Variants in WBP1L observed in about 807,000 individuals in gnomAD.
WBP1L encodes the protein WW domain binding protein 1-like.
A neutral mutation model predicts 33.7 loss-of-function variants in WBP1L; 17 were observed. The observed-to-expected ratio is 0.50, with a 90% confidence interval of 0.34 to 0.76. The LOEUF is 0.76. WBP1L is among the 30% of genes least tolerant of loss of function. WBP1L has a pLI of 0.01. For missense variants in WBP1L, 389 were observed against 469.4 expected (o/e 0.83, Z 1.58); for synonymous variants, 173 against 190.8 (o/e 0.91, Z 0.77).
intron 1 of WBP1L, among the ~76,000 whole-genome samples, chr10:102,784,897 G>C (rs1843393345): frequency 6.7e-6 from 1 of 148,214 alleles, no homozygotes; most frequent in Non-Finnish European, 1.5e-5. Flanking sequence ...TTAGGGCGGG[G>C]ACAGAGTCTT....
chr10:102,785,266 C>T (rs1843399206), intron 1 of WBP1L, among the ~76,000 whole-genome samples: 1 of 149,246 alleles, frequency 6.7e-6, no homozygotes, highest in Non-Finnish European at 1.5e-5. Context: ...CGGCTCACTG[C>T]AAGCTCCACC....
At position 102,815,224 on chromosome 10, in the gene WBP1L, C is replaced by G; in HGVS notation, c.*1893C>G. ...CCGCAGCATTGTCGACTGCAGTCCC[C>G]TGTGTTTGCCAGAGATACTGTGCTC... On this transcript the variant is annotated 3_prime_UTR_variant, in exon 4 of 4. Coordinates refer to ENST00000448841, the MANE Select transcript of WBP1L (RefSeq NM_001083913.2). 1 of 152,674 alleles carries G rather than the reference C, an allele frequency of 6.5e-6. No homozygotes were observed. Among genetic ancestry groups the G allele is most frequent in the East Asian group, 1.9e-4 (1 of 5,202 alleles). The allele number at this position is 152,674 out of a possible 1,614,324, so 9.5% of individuals were successfully genotyped here.
At chr10:102,765,380 G>A (rs1843093916) in intron 1 of WBP1L, among the ~76,000 whole-genome samples, 1 of 152,142 alleles carries the variant, frequency 6.6e-6, no homozygotes, top group Non-Finnish European at 1.5e-5. Context: ...CTACAGTCAT[G>A]TGCCATCACG....
chr10:102,785,055 G>A (rs1204684968), intron 1 of WBP1L, among the ~76,000 whole-genome samples: 1 of 150,914 alleles, frequency 6.6e-6, no homozygotes, highest in East Asian at 2.0e-4. Context: ...TTTGTATTTT[G>A]TAGAGACAGG....
At chr10:102,804,829 C>T (rs1843708647) in intron 2 of WBP1L, among the ~76,000 whole-genome samples, 2 of 152,190 alleles carry the variant, frequency 1.3e-5, no homozygotes, top group Non-Finnish European at 2.9e-5. Flanking sequence ...ATTAGTTAGA[C>T]TTAGTCCCAA....
intron 2 of WBP1L, among the ~76,000 whole-genome samples, chr10:102,802,448 G>T (rs1843671662): frequency 6.8e-6 from 1 of 148,002 alleles, no homozygotes; most frequent in African/African-American, 2.5e-5. Context: ...GGAGTTGATT[G>T]AATTTCCAGT....
At chr10:102,812,552 A>C in intron 3 of WBP1L, 43 bp from the exon 4 acceptor site, 1 of 1,532,478 alleles carries the variant, frequency 6.5e-7, no homozygotes, top group Non-Finnish European at 8.8e-7. Flanking sequence ...GCCTAGAACA[A>C]TGACCAGTGC....
At position 102,813,390 on chromosome 10, in the gene WBP1L, G is replaced by A. The variant is rs1004404066; in HGVS notation, c.*59G>A. Reference sequence around the variant, plus strand: ...AGCAACCAGGGTAGGGGAGAACCACGAGAGAAGCATTAAGTGACTTTCAAA... The same window carrying A: ...AGCAACCAGGGTAGGGGAGAACCACAAGAGAAGCATTAAGTGACTTTCAAA... On this transcript the variant is annotated 3_prime_UTR_variant, in exon 4 of 4. Coordinates refer to ENST00000448841, the MANE Select transcript of WBP1L (RefSeq NM_001083913.2). 27 of 1,528,902 alleles carry A rather than the reference G, an allele frequency of 1.8e-5. No individual in the cohort carries two copies. In the African/African-American group the frequency reaches 2.2e-4, roughly 13 times the overall value. The allele number at this position is 1,528,902 out of a possible 1,614,324, so 94.7% of individuals were successfully genotyped here. A position where few individuals can be genotyped will look rare whatever the true frequency, so the allele number is the denominator to read the frequency against.
At chr10:102,763,044 A>T (rs1195707411) in intron 1 of WBP1L, among the ~76,000 whole-genome samples, 1 of 152,026 alleles carries the variant, frequency 6.6e-6, no homozygotes, top group African/African-American at 2.4e-5. Context: ...GTCTCTACAA[A>T]AATACAAAAA....
chr10:102,801,172 T>C lies in WBP1L; in HGVS notation c.193+3077T>C, dbSNP rs180978769. ...CATAACCCAAACCAGTTATTGGGCC[T>C]GCATGTGTTGAGAACGGCAGATCCT... On this transcript the variant is annotated intron_variant, in intron 2 of 3. Transcript: ENST00000448841. Among the ~76,000 whole-genome samples the C allele has an allele frequency of 7.0e-4, 107 of 152,336 alleles. 1 individual carries two copies. The highest frequency in any genetic ancestry group is 1.2e-3 in the Non-Finnish European group (83 of 68,028).
chr10:102,812,887 G>C lies in WBP1L; in HGVS notation c.648G>C (p.Glu216Asp). The C allele has an allele frequency of 6.3e-7, 1 of 1,576,372 alleles. No homozygotes were observed. Among genetic ancestry groups the C allele is most frequent in the Non-Finnish European group, 8.6e-7 (1 of 1,159,050 alleles). ...DRAATKAPGM[E>D]PSGSVAGLGE... The stretch of plus-strand genomic sequence containing the variant: ...CAGCCACCAAAGCCCCAGGGATGGA[G>C]CCCAGTGGCTCTGTGGCTGGCCTGG... Residue 216 changes from glutamate to aspartate, a missense_variant, in exon 4 of 4, where the codon GAG becomes GAC. By Grantham distance (45) the Glu-to-Asp change is conservative. Transcript: ENST00000448841.
rs202146271 is a variant in WBP1L at position 102,743,997 on chromosome 10, G to GGGA, written c.-45_-43dup. On this transcript the variant is annotated 5_prime_UTR_variant, in exon 1 of 4. Transcript: ENST00000448841. ...AGGAAGAAGAGGGTAGAGGAGGAGA[G>GGGA]GGAGGAGGAGGAGGGAGGTGGCGGC... 1,356 of 1,259,892 alleles carry GGGA rather than the reference G, an allele frequency of 1.1e-3. 19 individuals are homozygous for GGGA. The African/African-American group carries it at 0.017, about 16-fold the overall frequency. 78.0% of individuals were successfully genotyped at this position (1,259,892 alleles called of 1,614,324 possible). A position where few individuals can be genotyped will look rare whatever the true frequency, so the allele number is the denominator to read the frequency against.
chr10:102,761,302 GC>G (rs1273874640), intron 1 of WBP1L, among the ~76,000 whole-genome samples: 5 of 151,492 alleles, frequency 3.3e-5, no homozygotes, highest in African/African-American at 1.2e-4. Flanking sequence ...ACCATGCCTG[GC>G]TAATTTTTGT....
At chr10:102,783,837 CCA>C (rs1843371295) in intron 1 of WBP1L, among the ~76,000 whole-genome samples, 1 of 152,154 alleles carries the variant, frequency 6.6e-6, no homozygotes, top group African/African-American at 2.4e-5. Flanking sequence ...GGGGTAGAAA[CCA>C]CAGACTCATA....
chr10:102,784,734 A>T (rs929171825), intron 1 of WBP1L, among the ~76,000 whole-genome samples: 6 of 146,732 alleles, frequency 4.1e-5, no homozygotes, highest in Admixed American at 1.4e-4. Context: ...GAATTTTTTA[A>T]ATTTTTAATA....
chr10:102,811,122 G>GTTTCAC, intron 3 of WBP1L, among the ~76,000 whole-genome samples: 1 of 152,214 alleles, frequency 6.6e-6, no homozygotes, highest in East Asian at 1.9e-4. Context: ...TGAAACAATT[G>GTTTCAC]TGGGCCGGGC....
chr10:102,798,083 T>C lies in WBP1L; in HGVS notation c.181T>C (p.Tyr61His), dbSNP rs945419229. ...CGQSQCCNYY[Y>H]ELWWFWLVWT... Reference sequence around the variant, plus strand: ...ACAGTCTCAGTGCTGCAACTACTACTATGAACTCTGGTGTAAGTCCTTGCT... The same window carrying C: ...ACAGTCTCAGTGCTGCAACTACTACCATGAACTCTGGTGTAAGTCCTTGCT... The change falls in exon 2 of 4, where the codon TAT (tyrosine) becomes CAT (histidine). Residue 61 changes from tyrosine (Y) to histidine (H), a missense_variant. Physicochemically the swap from Tyr to His is moderately conservative, Grantham distance 83. Transcript: ENST00000448841. 1.2e-6 allele frequency: 2 copies of C among 1,614,124 alleles called. No individual in the cohort carries two copies. The highest frequency in any genetic ancestry group is 1.7e-6 in the Non-Finnish European group (2 of 1,179,958).
intron 1 of WBP1L, among the ~76,000 whole-genome samples, chr10:102,795,234 G>C (rs369868497): frequency 2.6e-5 from 4 of 152,166 alleles, no homozygotes; most frequent in Non-Finnish European, 5.9e-5. Flanking sequence ...TGTAAGTTCC[G>C]AGCAGTTTAA....
At chr10:102,755,638 C>T (rs1005245135) in intron 1 of WBP1L, among the ~76,000 whole-genome samples, 2 of 152,012 alleles carry the variant, frequency 1.3e-5, no homozygotes. Context: ...AGTGATCTGC[C>T]TGTCTTGGCC....
Sources: allele counts gnomAD v4.1 joint callset (sites outside exome capture counted in the v4.1 genomes callset), GRCh38; gene constraint gnomAD v4.1.1; transcripts MANE v1.5; gene names NCBI Gene and HGNC (gene_info 2026-07-23, HGNC 2026-07-21).